KMT2C: variants seen among roughly 807,000 people sequenced by gnomAD.
KMT2C encodes histone-lysine N-methyltransferase 2C.
In KMT2C, 88 loss-of-function variants were observed where a neutral mutation model predicts 507.9. The observed-to-expected ratio is 0.17, with a 90% confidence interval of 0.15 to 0.21. The LOEUF (loss-of-function observed/expected upper bound fraction) is 0.21, where lower values mean the gene tolerates loss of function less well. KMT2C is among the 10% of genes least tolerant of loss of function. The pLI, the probability that KMT2C is intolerant of heterozygous loss-of-function variation, is 1.00. For missense variants in KMT2C, 4,954 were observed against 5,957.8 expected (o/e 0.83, Z 5.55); for synonymous variants, 2,049 against 2,080.8 (o/e 0.98, Z 0.42).
chr7:152,435,988 C>T lies in KMT2C; in HGVS notation c.-202G>A. On this transcript the variant is annotated 5_prime_UTR_variant, in exon 1 of 59. Coordinates refer to ENST00000262189, the MANE Select transcript of KMT2C (RefSeq NM_170606.3). ...CAGGACACGCACTCACACACATCGG[C>T]GCGGGCGCGCGCACCTCCGCGCGCA... The T allele has an allele frequency of 7.7e-6, 2 of 259,260 alleles. 1 individual carries two copies. The highest frequency in any genetic ancestry group is 2.4e-3 in the Middle Eastern group (2 of 836). The allele number at this position is 259,260 out of a possible 1,614,324, so 16.1% of individuals were successfully genotyped here. A position where few individuals can be genotyped will look rare whatever the true frequency, so the allele number is the denominator to read the frequency against.
intron 6 of KMT2C, among the ~76,000 whole-genome samples, chr7:152,293,752 A>C (rs1469961138): frequency 6.6e-6 from 1 of 152,248 alleles, no homozygotes; most frequent in Non-Finnish European, 1.5e-5. Context: ...ACTGTTTTTA[A>C]ATAGGCATAC....
At chr7:152,178,520 T>A (rs2093311403) in intron 37 of KMT2C, among the ~76,000 whole-genome samples, 1 of 152,178 alleles carries the variant, frequency 6.6e-6, no homozygotes, top group Non-Finnish European at 1.5e-5. Context: ...AAAGGACAAG[T>A]AGGCCTCATC....
intron 1 of KMT2C, among the ~76,000 whole-genome samples, chr7:152,400,361 GA>G (rs2097565128): frequency 6.6e-6 from 1 of 152,172 alleles, no homozygotes; most frequent in Admixed American, 6.6e-5. Context: ...AAACTTTCAA[GA>G]AGTGAAGCAC....
At chr7:152,335,947 G>A (rs536724826) in intron 2 of KMT2C, among the ~76,000 whole-genome samples, 354 of 151,248 alleles carry the variant, frequency 2.3e-3, no homozygotes, top group Non-Finnish European at 3.7e-3. Context: ...AAATAGGATC[G>A]GCACCAGATC....
At chr7:152,213,272 A>G (rs2094496623) in intron 23 of KMT2C, among the ~76,000 whole-genome samples, 2 of 152,218 alleles carry the variant, frequency 1.3e-5, no homozygotes, top group Admixed American at 1.3e-4. Context: ...ATCTTGAGAA[A>G]GAAAAACAAA....
At chr7:152,230,819 A>C (rs2095085408) in intron 16 of KMT2C, among the ~76,000 whole-genome samples, 1 of 152,072 alleles carries the variant, frequency 6.6e-6, no homozygotes, top group South Asian at 2.1e-4. Flanking sequence ...TGTTCACTAT[A>C]ATCTTTATTT....
chr7:152,355,432 GATAAC>G (rs1465452779), intron 2 of KMT2C, among the ~76,000 whole-genome samples: 1 of 151,956 alleles, frequency 6.6e-6, no homozygotes, highest in Admixed American at 6.6e-5. Flanking sequence ...TTAGCATTTA[GATAAC>G]ATAATAATAG....
At chr7:152,428,341 G>A (rs773807840) in intron 1 of KMT2C, among the ~76,000 whole-genome samples, 3 of 151,578 alleles carry the variant, frequency 2.0e-5, no homozygotes, top group Admixed American at 6.6e-5. Context: ...GGCTGGGTGC[G>A]GTGGCTCATG....
chr7:152,149,979 T>C (rs1390464521), intron 51 of KMT2C, among the ~76,000 whole-genome samples: 2 of 152,240 alleles, frequency 1.3e-5, no homozygotes, highest in African/African-American at 2.4e-5. Flanking sequence ...TTATTTGTCA[T>C]CTAGCCTAGA....
intron 15 of KMT2C, among the ~76,000 whole-genome samples, chr7:152,237,282 T>A: frequency 6.6e-6 from 1 of 152,262 alleles, no homozygotes. Flanking sequence ...CAAAAATTTA[T>A]GGTGATACTG....
At chr7:152,362,502 T>C (rs764527404) in intron 1 of KMT2C, among the ~76,000 whole-genome samples, 19 of 152,066 alleles carry the variant, frequency 1.2e-4, no homozygotes, top group Non-Finnish European at 2.5e-4. Context: ...TCAAAGAAAA[T>C]AGAGAATGAC....
chr7:152,324,836 A>C (rs2096811217), intron 3 of KMT2C, among the ~76,000 whole-genome samples: 1 of 152,006 alleles, frequency 6.6e-6, no homozygotes, highest in South Asian at 2.1e-4. Flanking sequence ...ACAAAAATTC[A>C]TATTGCTTAT....
At chr7:152,361,480 G>A (rs7786170) in intron 1 of KMT2C, among the ~76,000 whole-genome samples, 16,374 of 151,706 alleles carry the variant, frequency 0.11, 2,112 homozygotes, top group African/African-American at 0.31. Flanking sequence ...GGAGAATGGC[G>A]TGAACCCGGG....
chr7:152,414,482 T>G (rs1388588374), intron 1 of KMT2C, among the ~76,000 whole-genome samples: 1 of 152,130 alleles, frequency 6.6e-6, no homozygotes, highest in Non-Finnish European at 1.5e-5. Flanking sequence ...GAGCCGAGAT[T>G]GTGCCATCAC....
intron 25 of KMT2C, among the ~76,000 whole-genome samples, chr7:152,203,483 C>CAAA (rs2094205775): frequency 1.3e-5 from 2 of 152,030 alleles, no homozygotes; most frequent in Admixed American, 6.5e-5. Flanking sequence ...AAAAGTGTGT[C>CAAA]CTTTAATACA....
intron 1 of KMT2C, among the ~76,000 whole-genome samples, chr7:152,388,372 G>A (rs935007058): frequency 1.9e-4 from 29 of 151,844 alleles, no homozygotes; most frequent in African/African-American, 6.3e-4. Flanking sequence ...CAGACTTGTC[G>A]ACATGGTGAA....
chr7:152,201,861 G>A (rs368333300), intron 26 of KMT2C, among the ~76,000 whole-genome samples: 3 of 152,008 alleles, frequency 2.0e-5, no homozygotes, highest in African/African-American at 2.4e-5. Flanking sequence ...TGAGGAAACC[G>A]AGACACAAGA....
At chr7:152,308,305 A>T (rs2096638627) in intron 6 of KMT2C, among the ~76,000 whole-genome samples, 1 of 152,166 alleles carries the variant, frequency 6.6e-6, no homozygotes, top group African/African-American at 2.4e-5. Context: ...TAAAGCCCAT[A>T]TAGTTTCTAA....
At chr7:152,318,930 G>A (rs369174087) in intron 3 of KMT2C, among the ~76,000 whole-genome samples, 1 of 152,028 alleles carries the variant, frequency 6.6e-6, no homozygotes, top group Non-Finnish European at 1.5e-5. Context: ...AATGAATCTC[G>A]AATCTGAAAG....
Sources: allele counts gnomAD v4.1 joint callset (sites outside exome capture counted in the v4.1 genomes callset), GRCh38; gene constraint gnomAD v4.1.1; transcripts MANE v1.5; gene names NCBI Gene and HGNC (gene_info 2026-07-23, HGNC 2026-07-21).